PIK3C2G: variants seen among roughly 807,000 people sequenced by gnomAD.
PIK3C2G encodes the protein phosphatidylinositol 3-kinase C2 domain-containing subunit gamma.
Under a neutral mutation model 181.1 loss-of-function variants are expected in PIK3C2G, and 168 were observed. The observed-to-expected ratio is 0.93, with a 90% CI of 0.82 to 1.05. The LOEUF is 1.05. Among genes scored for constraint, PIK3C2G ranks in the 50% least tolerant of loss-of-function variants. PIK3C2G has a pLI of 0.00. For missense variants in PIK3C2G, 1,869 were observed against 1,732.8 expected (o/e 1.08, Z -1.40); for synonymous variants, 573 against 592.2 (o/e 0.97, Z 0.47).
At chr12:18,411,976 T>A (rs1565692806) in intron 16 of PIK3C2G, among the ~76,000 whole-genome samples, 1 of 151,708 alleles carries the variant, frequency 6.6e-6, no homozygotes, top group Non-Finnish European at 1.5e-5. Flanking sequence ...GGAATAGAAG[T>A]GTTTTTTTTA....
the PIK3C2G span, among the ~76,000 whole-genome samples, chr12:18,698,170 T>A: frequency 6.6e-6 from 1 of 151,964 alleles, no homozygotes; most frequent in Admixed American, 6.6e-5. Context: ...CATTTTACAA[T>A]CCAACTCACA....
chr12:18,573,572 T>C (rs928773932), intron 29 of PIK3C2G, among the ~76,000 whole-genome samples: 1 of 152,152 alleles, frequency 6.6e-6, no homozygotes, highest in African/African-American at 2.4e-5. Context: ...CCTACCCTGG[T>C]AATTTTTCAT....
chr12:18,316,363 C>T lies in PIK3C2G; in HGVS notation c.1137+2299C>T, dbSNP rs544356753. On this transcript the variant is annotated intron_variant, in intron 6 of 32. Transcript: ENST00000538779. ...GAGATAATCATATTGCTGTCATCAC[C>T]GTTGTTGTCATGTCCAGGGACAAGC... 9.9e-5 allele frequency among the ~76,000 whole-genome samples: 15 copies of T among 152,190 alleles called. No individual in the cohort carries two copies. In the East Asian group the frequency reaches 1.2e-3, roughly 12 times the overall value.
intron 25 of PIK3C2G, among the ~76,000 whole-genome samples, chr12:18,542,609 T>G (rs1331264158): frequency 6.6e-6 from 1 of 151,910 alleles, no homozygotes; most frequent in African/African-American, 2.4e-5. Flanking sequence ...TGTCTTTGTG[T>G]TCATGAGTTC....
At chr12:18,467,635 T>C (rs1284684405) in intron 18 of PIK3C2G, among the ~76,000 whole-genome samples, 1 of 151,934 alleles carries the variant, frequency 6.6e-6, no homozygotes, top group Non-Finnish European at 1.5e-5. Flanking sequence ...CACAGAAATA[T>C]GCTCCTCATG....
At chr12:18,584,703 G>A (rs1177350350) in intron 29 of PIK3C2G, among the ~76,000 whole-genome samples, 1 of 152,050 alleles carries the variant, frequency 6.6e-6, no homozygotes, top group Non-Finnish European at 1.5e-5. Flanking sequence ...ACCCCTGCAA[G>A]ATTCTACAGA....
In PIK3C2G at chr12:18,578,270, G is replaced by A. The variant is rs80272161; in HGVS notation, c.4011+11213G>A. On this transcript the variant is annotated intron_variant, in intron 29 of 32. Coordinates refer to ENST00000538779, the MANE Select transcript of PIK3C2G (RefSeq NM_001288772.2). ...CTGTCTATGTTGATATGCACCAGTG[G>A]CTTCATAAAGTCTTTTATAACTTCA... 7.4e-3 allele frequency among the ~76,000 whole-genome samples: 1,127 copies of A among 152,212 alleles called. 10 individuals carry two copies. Among genetic ancestry groups the A allele is most frequent in the African/African-American group, 0.026 (1,062 of 41,540 alleles).
the PIK3C2G span, chr12:18,701,717 A>G: frequency 6.2e-7 from 1 of 1,611,858 alleles, no homozygotes; most frequent in Non-Finnish European, 8.5e-7. Flanking sequence ...CTTTTCTTTC[A>G]TGGGTTTCCT....
intron 3 of PIK3C2G, among the ~76,000 whole-genome samples, chr12:18,290,113 A>G (rs755064856): frequency 5.3e-5 from 8 of 152,134 alleles, no homozygotes; most frequent in Admixed American, 1.3e-4. Flanking sequence ...GTAGATATTA[A>G]TATCCACCTC....
At chr12:18,252,386 C>A (rs1948103866) in intron 1 of PIK3C2G, among the ~76,000 whole-genome samples, 2 of 152,074 alleles carry the variant, frequency 1.3e-5, no homozygotes, top group South Asian at 4.1e-4. Context: ...TAATATATGA[C>A]AATAATGTGG....
At chr12:18,383,989 T>TA (rs113986385) in intron 14 of PIK3C2G, among the ~76,000 whole-genome samples, 4,279 of 129,076 alleles carry the variant, frequency 0.033, 64 homozygotes, top group Non-Finnish European at 0.042. Context: ...TTATTATTAT[T>TA]TTTTTTTTTT....
chr12:18,546,230 A>G, intron 25 of PIK3C2G, 93 bp from the exon 26 acceptor site: 3 of 753,194 alleles, frequency 4.0e-6, no homozygotes, highest in Middle Eastern at 2.4e-4. Context: ...ACTTGGGTCT[A>G]GATGTCTCTG....
chr12:18,602,505 C>T (rs1321642344), intron 30 of PIK3C2G, among the ~76,000 whole-genome samples: 1 of 151,768 alleles, frequency 6.6e-6, no homozygotes, highest in Non-Finnish European at 1.5e-5. Context: ...CCGCCCACTG[C>T]TGGTCCCCCT....
chr12:18,618,277 T>C (rs893972037), intron 31 of PIK3C2G, among the ~76,000 whole-genome samples: 15 of 152,204 alleles, frequency 9.9e-5, no homozygotes, highest in Admixed American at 2.0e-4. Flanking sequence ...CCAGAGACTA[T>C]AGGAAAGTCC....
At chr12:18,426,320 A>AT (rs532189795) in intron 18 of PIK3C2G, among the ~76,000 whole-genome samples, 77 of 151,504 alleles carry the variant, frequency 5.1e-4, no homozygotes, top group South Asian at 3.1e-3. Context: ...TGAAACATTG[A>AT]TTTTTTTTTG....
intron 18 of PIK3C2G, among the ~76,000 whole-genome samples, chr12:18,454,465 T>C (rs1177288133): frequency 6.6e-6 from 1 of 152,072 alleles, no homozygotes; most frequent in Admixed American, 6.6e-5. Flanking sequence ...TGCTTAGCAA[T>C]GTAGGGAAGT....
chr12:18,468,869 G>A (rs965988810), intron 18 of PIK3C2G, among the ~76,000 whole-genome samples: 1 of 152,146 alleles, frequency 6.6e-6, no homozygotes, highest in African/African-American at 2.4e-5. Context: ...TGTGCTTAAT[G>A]ACCAGAAAAT....
chr12:18,399,184 G>C (rs1423160258), intron 15 of PIK3C2G, among the ~76,000 whole-genome samples: 2 of 109,882 alleles, frequency 1.8e-5, no homozygotes, highest in African/African-American at 3.6e-5. Context: ...GACAGAGCGA[G>C]ACTCCGTCTC....
At chr12:18,328,403 T>TGGAATATATAGAAA (rs1456373811) in intron 8 of PIK3C2G, among the ~76,000 whole-genome samples, 1 of 152,098 alleles carries the variant, frequency 6.6e-6, no homozygotes, top group Non-Finnish European at 1.5e-5. Context: ...ATTCCATATA[T>TGGAATATATAGAAA]GAGTAGAAAG....
Sources: gnomAD v4.1 joint callset for allele counts (sites outside exome capture counted in the v4.1 genomes callset) on GRCh38, gnomAD v4.1.1 for gene constraint, MANE v1.5 for transcripts, NCBI Gene and HGNC (gene_info 2026-07-23, HGNC 2026-07-21) for gene names.